QNG1: variants seen among roughly 807,000 people sequenced by gnomAD.
QNG1 encodes Q-nucleotide N-glycosylase 1, also known as queuosine 5'-phosphate N-glycosylase/hydrolase.
the QNG1 span, chr9:83,944,783 A>T: frequency 2.5e-6 from 4 of 1,599,770 alleles, no homozygotes; most frequent in Non-Finnish European, 3.4e-6. Flanking sequence ...GAATGACTTA[A>T]AGTTGCAAAC....
the QNG1 span, among the ~76,000 whole-genome samples, chr9:83,954,134 T>C: frequency 1.3e-5 from 2 of 152,044 alleles, no homozygotes; most frequent in African/African-American, 4.8e-5. Context: ...CCTCAGTTGA[T>C]CCACCTACCT....
At chr9:83,943,849 G>A in the QNG1 span, among the ~76,000 whole-genome samples, 9 of 151,704 alleles carry the variant, frequency 5.9e-5, no homozygotes, top group African/African-American at 7.3e-5. Flanking sequence ...GTGAAACCCC[G>A]TTTCTGCTAA....
the QNG1 span, among the ~76,000 whole-genome samples, chr9:83,946,504 T>C: frequency 2.0e-5 from 3 of 152,182 alleles, no homozygotes; most frequent in African/African-American, 4.8e-5. Context: ...AAAGTTGATA[T>C]GTAAGTCCAA....
At chr9:83,953,089 T>C in the QNG1 span, among the ~76,000 whole-genome samples, 1 of 151,596 alleles carries the variant, frequency 6.6e-6, no homozygotes, top group Admixed American at 6.6e-5. Context: ...GCCAACATGG[T>C]GAAACCCTGT....
At chr9:83,955,634 G>C in the QNG1 span, 1 of 1,610,220 alleles carries the variant, frequency 6.2e-7, no homozygotes, top group Non-Finnish European at 8.5e-7. Context: ...ACTAGTTATT[G>C]GTATCCCTTT....
the QNG1 span, chr9:83,956,104 C>T: frequency 7.0e-6 from 11 of 1,560,496 alleles, no homozygotes; most frequent in South Asian, 8.9e-5. Flanking sequence ...CCCCTACACA[C>T]ACCCCAAGTA....
At chr9:83,944,019 T>TCAAACAAACAAA in the QNG1 span, among the ~76,000 whole-genome samples, 894 of 143,136 alleles carry the variant, frequency 6.2e-3, 8 homozygotes, top group African/African-American at 0.025. Context: ...AGACTCCGTC[T>TCAAACAAACAAA]CAAACAAACA....
At chr9:83,947,717 G>T in the QNG1 span, among the ~76,000 whole-genome samples, 2 of 152,222 alleles carry the variant, frequency 1.3e-5, no homozygotes, top group Admixed American at 6.5e-5. Context: ...GTTTCGCCGT[G>T]TTGGCCGGGC....
chr9:83,950,108 G>C, the QNG1 span, among the ~76,000 whole-genome samples: 1 of 149,562 alleles, frequency 6.7e-6, no homozygotes, highest in Middle Eastern at 3.4e-3. Flanking sequence ...GGAGTGCAAT[G>C]GTGCAATCTC....
At chr9:83,955,496 TCC>T in the QNG1 span, 2 of 1,614,122 alleles carry the variant, frequency 1.2e-6, no homozygotes, top group Non-Finnish European at 1.7e-6. Context: ...TCCAAACTTC[TCC>T]AGCAGAATTT....
chr9:83,953,963 C>T, the QNG1 span: 14 of 637,986 alleles, frequency 2.2e-5, no homozygotes, highest in Admixed American at 8.1e-5. Flanking sequence ...GGTGCAATCT[C>T]GGCTCACTGC....
At chr9:83,940,949 T>C in the QNG1 span, among the ~76,000 whole-genome samples, 5 of 152,176 alleles carry the variant, frequency 3.3e-5, no homozygotes, top group East Asian at 1.9e-4. Context: ...TTGCCCCAGG[T>C]GCTAGCATAG....
At chr9:83,945,132 C>A in the QNG1 span, 1 of 684,366 alleles carries the variant, frequency 1.5e-6, no homozygotes, top group East Asian at 3.1e-5. Context: ...GGCCGGGCAC[C>A]ATGGCTCCCG....
At chr9:83,944,934 C>T in the QNG1 span, 1 of 1,613,282 alleles carries the variant, frequency 6.2e-7, no homozygotes, top group Non-Finnish European at 8.5e-7. Flanking sequence ...TTCCAATACA[C>T]TCCACGTATC....
At chr9:83,950,596 CTTT>C in the QNG1 span, among the ~76,000 whole-genome samples, 4,419 of 118,314 alleles carry the variant, frequency 0.037, 183 homozygotes, top group African/African-American at 0.13. Flanking sequence ...CTTTTCTTTT[CTTT>C]TTTTTTTTTT....
the QNG1 span, among the ~76,000 whole-genome samples, chr9:83,947,595 G>C: frequency 6.6e-6 from 1 of 152,174 alleles, no homozygotes; most frequent in African/African-American, 2.4e-5. Flanking sequence ...CGCCATCTCG[G>C]CTCACTGCAA....
At chr9:83,953,910 T>G in the QNG1 span, 2 of 1,064,840 alleles carry the variant, frequency 1.9e-6, no homozygotes. Flanking sequence ...AATACTTTTT[T>G]GAGATAGAGT....
chr9:83,939,692 G>A, the QNG1 span: 17 of 1,613,960 alleles, frequency 1.1e-5, no homozygotes, highest in African/African-American at 4.0e-5. Context: ...ACACCAAAGC[G>A]AGCACCCTCT....
the QNG1 span, among the ~76,000 whole-genome samples, chr9:83,951,201 C>T: frequency 1.3e-5 from 2 of 152,032 alleles, no homozygotes; most frequent in Non-Finnish European, 2.9e-5. Flanking sequence ...ACTTGGGAGG[C>T]GGAGGTTGCA....
Sources: gnomAD v4.1 joint callset for allele counts (sites outside exome capture counted in the v4.1 genomes callset) on GRCh38, gnomAD v4.1.1 for gene constraint, MANE v1.5 for transcripts, NCBI Gene and HGNC (gene_info 2026-07-23, HGNC 2026-07-21) for gene names.